Variants in GAK observed in about 807,000 individuals in gnomAD.
GAK encodes the protein cyclin-G-associated kinase.
In GAK, 79 loss-of-function variants were observed where a neutral mutation model predicts 143.9. The observed-to-expected ratio is 0.55, with a 90% CI of 0.46 to 0.66. GAK has a LOEUF of 0.66. Among genes scored for constraint, GAK ranks in the 30% least tolerant of loss-of-function variants. The probability of loss-of-function intolerance (pLI) is 0.00; values close to 1 mark genes in which losing one functional copy is unlikely to be tolerated. For missense variants in GAK, 1,693 were observed against 1,779.7 expected (o/e 0.95, Z 0.88); for synonymous variants, 881 against 765.5 (o/e 1.15, Z -2.49).
chr4:912,039 G>A (rs1228146019), intron 3 of GAK: 2 of 499,368 alleles, frequency 4.0e-6, no homozygotes, highest in Admixed American at 2.3e-5. Context: ...CCTGACCACA[G>A]CGACACCAAA....
intron 5 of GAK, among the ~76,000 whole-genome samples, chr4:902,596 C>CAAAAAAAAAAAAA (rs768017849): frequency 0.043 from 2,575 of 59,938 alleles, 203 homozygotes; most frequent in African/African-American, 0.059. Context: ...GTGACTGACT[C>CAAAAAAAAAAAAA]AAAAAAAAAA....
At chr4:907,876 C>G (rs573610223) in intron 4 of GAK, among the ~76,000 whole-genome samples, 1 of 152,156 alleles carries the variant, frequency 6.6e-6, no homozygotes, top group South Asian at 2.1e-4. Context: ...TGAGCTGGCG[C>G]GCGCATGCGT....
In GAK at chr4:894,061, C is replaced by T. The variant is rs367698848; in HGVS notation, c.742-52G>A. 4,074 of 1,475,150 alleles carry T rather than the reference C, an allele frequency of 2.8e-3. 152 individuals carry two copies. The South Asian group carries it at 0.05, about 18-fold the overall frequency. 91.4% of individuals were successfully genotyped at this position (1,475,150 alleles called of 1,614,324 possible). Reference sequence around the variant, plus strand: ...AGGCCCACGGGGAGCGCAGGGGTGACGCCTGGGCCTGCGGGGAGAGCAGGG... The same window carrying T: ...AGGCCCACGGGGAGCGCAGGGGTGATGCCTGGGCCTGCGGGGAGAGCAGGG... On this transcript the variant is annotated intron_variant, in intron 7 of 27. Transcript: ENST00000314167.
At chr4:860,621 T>C (rs11248050) in intron 23 of GAK, among the ~76,000 whole-genome samples, 97,851 of 152,046 alleles carry the variant, frequency 0.64, 31,734 homozygotes, top group South Asian at 0.82. Flanking sequence ...AAACCGGAGA[T>C]GGCAGTTGCC....
chr4:913,083 T>G (rs750571350), intron 2 of GAK, among the ~76,000 whole-genome samples: 2 of 151,952 alleles, frequency 1.3e-5, no homozygotes, highest in African/African-American at 2.4e-5. Context: ...GGCAATGCTC[T>G]GCAGACACGG....
chr4:868,108 G>A (rs1482734534), intron 20 of GAK, among the ~76,000 whole-genome samples: 3 of 151,984 alleles, frequency 2.0e-5, no homozygotes, highest in South Asian at 2.1e-4. Flanking sequence ...CAGTGATGGC[G>A]CCCAGGTGTT....
intron 11 of GAK, chr4:887,064 A>C (rs972674157): frequency 6.6e-6 from 1 of 152,102 alleles, no homozygotes; most frequent in Admixed American, 6.6e-5. Context: ...ACACGCACTC[A>C]CAGGCACACA....
chr4:871,944 T>C (rs1180154757), intron 18 of GAK, among the ~76,000 whole-genome samples: 3 of 152,192 alleles, frequency 2.0e-5, no homozygotes, highest in African/African-American at 7.2e-5. Context: ...AATCTCTACA[T>C]GTTGAATGTT....
In GAK at chr4:888,664, G is replaced by A. The variant is rs1161352214; in HGVS notation, c.1205+183C>T. 1.2e-5 allele frequency: 8 copies of A among 690,462 alleles called. No homozygotes were observed. The East Asian group carries it at 2.0e-4, about 17-fold the overall frequency. The allele number at this position is 690,462 out of a possible 1,614,324, so 42.8% of individuals were successfully genotyped here. ...CGATGAAAGGAAAGGGATCTGCCTGGCTCTGTGGGATGCTGGGCTCATTCC... is the reference window on the plus strand; with the variant it reads ...CGATGAAAGGAAAGGGATCTGCCTGACTCTGTGGGATGCTGGGCTCATTCC... On this transcript the variant is annotated intron_variant, in intron 11 of 27. Transcript: ENST00000314167.
chr4:883,499 T>C (rs372957790), intron 12 of GAK, 36 bp from the exon 13 acceptor site: 141 of 1,608,518 alleles, frequency 8.8e-5, no homozygotes, highest in Admixed American at 1.3e-4. Context: ...ACCTGGGAGA[T>C]GCGCACCTCG....
In GAK at chr4:865,175, G is replaced by A. The variant is rs919888918; in HGVS notation, c.3113C>T (p.Ala1038Val). 3.1e-6 allele frequency: 5 copies of A among 1,612,854 alleles called. No individual in the cohort carries two copies. The Admixed American group carries it at 6.7e-5, about 22-fold the overall frequency. Residue 1038 changes from alanine to valine, a missense_variant, in exon 23 of 28, where the codon GCT becomes GTT. By Grantham distance (64) the Ala-to-Val change is moderately conservative. Coordinates refer to ENST00000314167, the MANE Select transcript of GAK (RefSeq NM_005255.4). ...SSNPDLLGGW[A>V]AWTETAASAV... The stretch of plus-strand genomic sequence containing the variant: ...CGATGCTGCAGTCTCGGTCCAGGCA[G>A]CCCATCCTCCCAGCAGGTCTGGGTT...
intron 11 of GAK, chr4:888,453 C>G (rs1467492639): frequency 2.1e-5 from 4 of 192,180 alleles, no homozygotes; most frequent in Non-Finnish European, 3.2e-5. Flanking sequence ...CTGGGACTCA[C>G]CTGGTCTAAG....
Position 851,911 on chromosome 4 carries a change from C to A in GAK, c.3347G>T (p.Ser1116Ile). ...CGGCCGACTTGTCTGCCAGGAGCTG[C>A]TGCCTTTGGGCGTGGTGGCCGTTTT... is the stretch of plus-strand genomic sequence containing the variant. ...IPKTATTPKG[S>I]SSWQTSRPPA... The change falls in exon 25 of 28, where the codon AGC becomes ATC. Residue 1116 changes from serine to isoleucine, a missense_variant. Ser to Ile is a moderately radical substitution (Grantham distance 142). Coordinates refer to ENST00000314167, the MANE Select transcript of GAK (RefSeq NM_005255.4). The A allele has an allele frequency of 6.2e-7, 1 of 1,613,116 alleles. No individual in the cohort carries two copies. The highest frequency in any genetic ancestry group is 8.5e-7 in the Non-Finnish European group (1 of 1,179,294).
At chr4:868,732 T>TC in intron 19 of GAK, 47 bp from the exon 20 acceptor site, 1 of 1,532,440 alleles carries the variant, frequency 6.5e-7, no homozygotes, top group South Asian at 1.2e-5. Context: ...GCCAGCAGCC[T>TC]CGGGGCAACA....
At chr4:888,794 G>A (rs966667274) in intron 11 of GAK, 53 bp downstream of exon 11, 2 of 1,563,154 alleles carry the variant, frequency 1.3e-6, no homozygotes, top group Non-Finnish European at 1.7e-6. Context: ...GGCCGGGGCT[G>A]CAGCCTGGAA....
Position 882,697 on chromosome 4 carries a change from C to A in GAK, c.1527G>T (p.Met509Ile). The A allele has an allele frequency of 6.2e-7, 1 of 1,611,966 alleles. No homozygotes were observed. ...DHKNVCVVHC[M>I]DGRAASAVAV... ...GCCAGCCCACGGCCCTCGAGCTCAC[C>A]ATGCAGTGCACGACGCAGACGTTCT... Residue 509 changes from methionine (M) to isoleucine (I), a missense_variant and splice_region_variant, in exon 14 of 28, where the codon ATG (methionine) becomes ATT (isoleucine). This residue lies in a region of GAK where 871 missense variants were observed against 991.0 expected (regional missense o/e 0.88). Coordinates refer to ENST00000314167, the MANE Select transcript of GAK (RefSeq NM_005255.4).
intron 10 of GAK, among the ~76,000 whole-genome samples, chr4:889,375 T>C (rs1410816134): frequency 6.6e-6 from 1 of 151,466 alleles, no homozygotes; most frequent in Non-Finnish European, 1.5e-5. Context: ...GAAGGCAGAG[T>C]GGTGGCCCCT....
At chr4:913,760 G>C in intron 1 of GAK, 92 bp from the exon 2 acceptor site, 1 of 1,127,736 alleles carries the variant, frequency 8.9e-7, no homozygotes, top group Non-Finnish European at 1.3e-6. Flanking sequence ...AATACAAATT[G>C]ACTTGTGGCG....
chr4:889,839 A>G (rs1717296347), intron 10 of GAK, among the ~76,000 whole-genome samples: 1 of 152,178 alleles, frequency 6.6e-6, no homozygotes. Context: ...AAGAGCATGC[A>G]GCGTCTGTCT....
Sources: gnomAD v4.1 joint callset for allele counts (sites outside exome capture counted in the v4.1 genomes callset) on GRCh38, gnomAD v4.1.1 for gene constraint, gnomAD v4.1.1 regional missense constraint, MANE v1.5 for transcripts, NCBI Gene and HGNC (gene_info 2026-07-23, HGNC 2026-07-21) for gene names.